The following VPS13A variants were observed in gnomAD, a reference collection of about 807,000 sequenced individuals.
VPS13A encodes intermembrane lipid transfer protein VPS13A.
Under a neutral mutation model 390.9 loss-of-function variants are expected in VPS13A, and 264 were observed. That is an observed-to-expected ratio of 0.68 (90% CI 0.61 to 0.75). The LOEUF is 0.75. VPS13A is among the 30% of genes least tolerant of loss of function. The probability of loss-of-function intolerance (pLI) is 0.00; values close to 1 mark genes in which losing one functional copy is unlikely to be tolerated. For synonymous variants in VPS13A, 1,231 were observed against 1,227.1 expected (o/e 1.00, Z -0.07); for missense variants, 3,409 against 3,733.9 (o/e 0.91, Z 2.27).
intron 34 of VPS13A, among the ~76,000 whole-genome samples, chr9:77,305,380 A>T (rs1828677173): frequency 6.6e-6 from 1 of 152,198 alleles, no homozygotes; most frequent in Admixed American, 6.5e-5. Context: ...TAAATATTTG[A>T]AGTCTATTTA....
intron 69 of VPS13A, among the ~76,000 whole-genome samples, chr9:77,403,753 A>T (rs1428245073): frequency 1.3e-5 from 2 of 152,198 alleles, no homozygotes; most frequent in African/African-American, 4.8e-5. Context: ...TACTCCAGCG[A>T]CTTCTTCAAG....
chr9:77,207,377 A>G (rs868373235), intron 5 of VPS13A, among the ~76,000 whole-genome samples: 3 of 149,472 alleles, frequency 2.0e-5, no homozygotes, highest in Admixed American at 6.7e-5. Context: ...TATGACATAT[A>G]TAATATATAA....
chr9:77,361,825 T>C (rs1832157585), intron 59 of VPS13A, among the ~76,000 whole-genome samples: 2 of 152,136 alleles, frequency 1.3e-5, no homozygotes, highest in South Asian at 2.1e-4. Flanking sequence ...TATCTGTCTT[T>C]GATTCTAGCA....
At position 77,358,369 on chromosome 9, in the gene VPS13A, A is replaced by G; in HGVS notation, c.7966A>G (p.Ile2656Val). ...QIYRIQIQNQ[I>V]HGAVFPFVFY... The stretch of plus-strand genomic sequence containing the variant: ...TTTATTTTCTTAGATCCAAAATCAG[A>G]TACATGGTGCTGTATTTCCCTTTGT... Residue 2656 changes from isoleucine (I) to valine (V), a missense_variant, in exon 57 of 72, where the codon ATA (isoleucine) becomes GTA (valine). Around this residue, in one of 5 missense-constraint regions of VPS13A, gnomAD observed 221 missense variants for 300.7 expected, o/e 0.73. Coordinates refer to ENST00000360280, the MANE Select transcript of VPS13A (RefSeq NM_033305.3). 1 of 1,613,438 alleles carries G rather than the reference A, an allele frequency of 6.2e-7. No homozygotes were observed. Among genetic ancestry groups the G allele is most frequent in the Non-Finnish European group, 8.5e-7 (1 of 1,179,688 alleles).
chr9:77,314,506 A>G lies in VPS13A; in HGVS notation c.4254A>G (p.Thr1418=). The change falls in exon 37 of 72, where the codon ACA becomes ACG. Residue 1418 remains threonine (T), a synonymous_variant. Coordinates refer to ENST00000360280, the MANE Select transcript of VPS13A (RefSeq NM_033305.3). ...YSPGPKQASF[T]DVRDPSLKLA... ...TTCTCCTTTCATAGGCTTCCTTTAC[A>G]GATGTTCGTGATCCTTCTCTGAAAC... 4 of 1,612,096 alleles carry G rather than the reference A, an allele frequency of 2.5e-6. No homozygotes were observed. The South Asian group carries it at 4.4e-5, about 18-fold the overall frequency.
In VPS13A at chr9:77,339,570, A is replaced by G; in HGVS notation, c.6433A>G (p.Thr2145Ala). The G allele has an allele frequency of 1.3e-6, 2 of 1,591,778 alleles. No individual in the cohort carries two copies. Among genetic ancestry groups the G allele is most frequent in the Non-Finnish European group, 1.7e-6 (2 of 1,167,918 alleles). Reference protein sequence around the residue: ...LSEGHSAQICTAQLGKARLHL... With the variant: ...LSEGHSAQICAAQLGKARLHL... ...TGAAGGACATTCAGCCCAGATTTGT[A>G]CTGCACAGTTGGGTAAAGCCAGGCT... Residue 2145 changes from threonine to alanine, a missense_variant, in exon 48 of 72, where the codon ACT becomes GCT. Physicochemically the swap from Thr to Ala is moderately conservative, Grantham distance 58. Coordinates refer to ENST00000360280, the MANE Select transcript of VPS13A (RefSeq NM_033305.3).
chr9:77,354,880 GTAGATA>G (rs1488911044), intron 54 of VPS13A, among the ~76,000 whole-genome samples: 1 of 152,142 alleles, frequency 6.6e-6, no homozygotes, highest in African/African-American at 2.4e-5. Context: ...ACAGTTTACA[GTAGATA>G]TATGTGCTCC....
At chr9:77,318,015 T>TAATATCTGCAAGATTCATGTA (rs1345994605) in intron 40 of VPS13A, among the ~76,000 whole-genome samples, 1 of 151,918 alleles carries the variant, frequency 6.6e-6, no homozygotes, top group African/African-American at 2.4e-5. Context: ...ATTCATGGAA[T>TAATATCTGCAAGATTCATGTA]AATATCTGCA....
intron 68 of VPS13A, among the ~76,000 whole-genome samples, chr9:77,391,898 ATTCAGTTCTG>A (rs1233549893): frequency 6.6e-6 from 1 of 152,232 alleles, no homozygotes; most frequent in Non-Finnish European, 1.5e-5. Flanking sequence ...CTACAAACAA[ATTCAGTTCTG>A]TTCATTATGT....
intron 52 of VPS13A, among the ~76,000 whole-genome samples, chr9:77,350,163 T>TA (rs1306695007): frequency 6.6e-6 from 1 of 152,194 alleles, no homozygotes; most frequent in Non-Finnish European, 1.5e-5. Flanking sequence ...AGCTTACCCA[T>TA]AAAAAATTGT....
chr9:77,200,023 T>G, intron 2 of VPS13A, 35 bp downstream of exon 2: 2 of 1,516,080 alleles, frequency 1.3e-6, no homozygotes, highest in Non-Finnish European at 1.8e-6. Context: ...GTAAAGTTAT[T>G]GCATTTAATT....
intron 13 of VPS13A, among the ~76,000 whole-genome samples, chr9:77,223,074 C>G (rs1368803300): frequency 6.6e-6 from 1 of 152,178 alleles, no homozygotes; most frequent in East Asian, 1.9e-4. Context: ...ACACCAGAGT[C>G]TCTGAGCCTC....
rs983989079 is a variant in VPS13A, at chr9:77,369,450, T to C, written c.8667+38T>C. The C allele has an allele frequency of 3.1e-6, 4 of 1,290,470 alleles. No homozygotes were observed. The African/African-American group carries it at 4.4e-5, about 14-fold the overall frequency. The allele number at this position is 1,290,470 out of a possible 1,614,324, so 79.9% of individuals were successfully genotyped here. A position where few individuals can be genotyped will look rare whatever the true frequency, so the allele number is the denominator to read the frequency against. ...TTTTTGTGGTTGTGCAATATGTCAC[T>C]AATACTTTTGAATAGATAATACTTT... On this transcript the variant is annotated intron_variant, in intron 63 of 71. Coordinates refer to ENST00000360280, the MANE Select transcript of VPS13A (RefSeq NM_033305.3).
chr9:77,253,981 C>T (rs926362066), intron 22 of VPS13A, among the ~76,000 whole-genome samples: 5 of 117,562 alleles, frequency 4.3e-5, no homozygotes, highest in Admixed American at 1.2e-4. Flanking sequence ...GTCTCGCTGT[C>T]GCCCAGGCTG....
At chr9:77,358,822 C>G (rs1330410516) in intron 57 of VPS13A, among the ~76,000 whole-genome samples, 2 of 152,094 alleles carry the variant, frequency 1.3e-5, no homozygotes, top group Non-Finnish European at 2.9e-5. Context: ...CAAGTCCTTT[C>G]TACCCTTTTC....
intron 19 of VPS13A, among the ~76,000 whole-genome samples, chr9:77,243,170 GTTTCT>G: frequency 6.6e-6 from 1 of 151,534 alleles, no homozygotes; most frequent in East Asian, 1.9e-4. Context: ...TAACATCCTG[GTTTCT>G]TTCTTGTATT....
intron 35 of VPS13A, among the ~76,000 whole-genome samples, chr9:77,309,109 G>A (rs61302762): frequency 6.6e-6 from 1 of 152,268 alleles, no homozygotes; most frequent in African/African-American, 2.4e-5. Context: ...ATTCTAAGAG[G>A]ATTTTGAGAA....
chr9:77,274,984 G>A (rs546644390), intron 24 of VPS13A, among the ~76,000 whole-genome samples: 96 of 152,078 alleles, frequency 6.3e-4, no homozygotes, highest in African/African-American at 2.1e-3. Flanking sequence ...ACATATCAAC[G>A]TATATGTACA....
In VPS13A at chr9:77,321,699, T is replaced by A; in HGVS notation, c.5783T>A (p.Phe1928Tyr). 6.2e-7 allele frequency: 1 copy of A among 1,613,298 alleles called. No homozygotes were observed. The change falls in exon 44 of 72, where the codon TTC becomes TAC. Residue 1928 changes from phenylalanine (F) to tyrosine (Y), a missense_variant. Around this residue, in one of 5 missense-constraint regions of VPS13A, gnomAD observed 2,717 missense variants for 2,917.4 expected, o/e 0.93. Coordinates refer to ENST00000360280, the MANE Select transcript of VPS13A (RefSeq NM_033305.3). ...ATCCGAACCAAGGACAATGATCATT[T>A]CAATGCAATGACCAGCCTAAGCAGC... ...DYIRTKDNDHFNAMTSLSSKL... is the reference protein window; with the variant it reads ...DYIRTKDNDHYNAMTSLSSKL...
Sources: allele counts gnomAD v4.1 joint callset (sites outside exome capture counted in the v4.1 genomes callset), GRCh38; gene constraint gnomAD v4.1.1; regional missense constraint gnomAD v4.1.1; transcripts MANE v1.5; gene names NCBI Gene and HGNC (gene_info 2026-07-23, HGNC 2026-07-21).